WWOX: variants seen among roughly 807,000 people sequenced by gnomAD.
WWOX encodes WW domain-containing oxidoreductase.
In WWOX, 69 loss-of-function variants were observed where a neutral mutation model predicts 46.2. The observed-to-expected ratio is 1.49, with a 90% CI of 1.23 to 1.82. WWOX has a LOEUF of 1.82. Among genes scored for constraint, WWOX ranks in the 40% most tolerant of loss-of-function variants. The probability of loss-of-function intolerance (pLI) is 0.00; values close to 1 mark genes in which losing one functional copy is unlikely to be tolerated. For synonymous variants in WWOX, 359 were observed against 202.6 expected (o/e 1.77, Z -6.56); for missense variants, 919 against 542.6 (o/e 1.69, Z -6.89).
Position 78,939,260 on chromosome 16 carries a change from A to T in WWOX, c.1057-272348A>T, listed in dbSNP as rs537225433. The stretch of plus-strand genomic sequence containing the variant: ...ATTGGGTGTTGGGCTTTAAAGATGG[A>T]TGAAAGGCAGTACCTGGTCTAGAGA... On this transcript the variant is annotated intron_variant, in intron 8 of 8. Transcript: ENST00000566780. 2.0e-5 allele frequency among the ~76,000 whole-genome samples: 3 copies of T among 152,296 alleles called. No homozygotes were observed. In the East Asian group the frequency reaches 5.8e-4, roughly 29 times the overall value.
At chr16:78,638,029 G>A (rs992012933) in intron 8 of WWOX, among the ~76,000 whole-genome samples, 2 of 152,184 alleles carry the variant, frequency 1.3e-5, no homozygotes, top group Non-Finnish European at 2.9e-5. Context: ...TCCCTGGGAA[G>A]CTTGCTCACA....
intron 8 of WWOX, among the ~76,000 whole-genome samples, chr16:78,677,400 G>A (rs1444601474): frequency 6.6e-6 from 1 of 152,122 alleles, no homozygotes; most frequent in Non-Finnish European, 1.5e-5. Flanking sequence ...TCCTGTTTTT[G>A]AAAACTTGCA....
chr16:78,538,550 A>G (rs2043814735), intron 8 of WWOX, among the ~76,000 whole-genome samples: 1 of 152,150 alleles, frequency 6.6e-6, no homozygotes, highest in South Asian at 2.1e-4. Context: ...CCAGACGAGC[A>G]TGCTCTGAAC....
intron 8 of WWOX, among the ~76,000 whole-genome samples, chr16:78,972,623 C>G (rs911035128): frequency 7.2e-5 from 11 of 152,094 alleles, no homozygotes; most frequent in Admixed American, 1.3e-4. Context: ...AAAGTACATA[C>G]CGCTGCACAT....
At chr16:79,031,865 TAGA>T (rs1458141433) in intron 8 of WWOX, among the ~76,000 whole-genome samples, 1 of 141,880 alleles carries the variant, frequency 7.0e-6, no homozygotes, top group African/African-American at 2.5e-5. Context: ...TATATATAGA[TAGA>T]TATCTATATA....
At chr16:78,692,955 A>G (rs1597453370) in intron 8 of WWOX, among the ~76,000 whole-genome samples, 1 of 152,256 alleles carries the variant, frequency 6.6e-6, no homozygotes, top group South Asian at 2.1e-4. Context: ...GTTATTAAAC[A>G]CCCTTCTCTC....
At chr16:78,359,364 T>C (rs1235203566) in intron 5 of WWOX, among the ~76,000 whole-genome samples, 3 of 152,206 alleles carry the variant, frequency 2.0e-5, no homozygotes, top group Non-Finnish European at 4.4e-5. Context: ...TAATGTAGCA[T>C]ATACAAATTA....
chr16:78,296,534 A>T (rs2079946636), intron 5 of WWOX, among the ~76,000 whole-genome samples: 1 of 150,860 alleles, frequency 6.6e-6, no homozygotes, highest in Non-Finnish European at 1.5e-5. Flanking sequence ...TATTATTTTC[A>T]TTTTCTAAAA....
chr16:78,280,055 G>A (rs573196212), intron 5 of WWOX, among the ~76,000 whole-genome samples: 1 of 152,320 alleles, frequency 6.6e-6, no homozygotes, highest in South Asian at 2.1e-4. Flanking sequence ...CTGGAGTTTC[G>A]TCAGCTGAGT....
Position 78,342,687 on chromosome 16 carries a change from C to G in WWOX, c.517-44173C>G, listed in dbSNP as rs368587676. 1.7e-5 allele frequency among the ~76,000 whole-genome samples: 2 copies of G among 120,554 alleles called. 1 individual carries two copies. Among genetic ancestry groups the G allele is most frequent in the Non-Finnish European group, 4.0e-5 (2 of 50,512 alleles). 79.1% of individuals were successfully genotyped at this position (120,554 alleles called of 152,430 possible). A position where few individuals can be genotyped will look rare whatever the true frequency, so the allele number is the denominator to read the frequency against. ...CATCAGAATCTGATTCCCAGGCATG[C>G]TTTCCACCATATGCATAGACATTTG... On this transcript the variant is annotated intron_variant, in intron 5 of 8. Transcript: ENST00000566780.
chr16:78,615,439 C>T (rs1293571607), intron 8 of WWOX, among the ~76,000 whole-genome samples: 1 of 152,016 alleles, frequency 6.6e-6, no homozygotes, highest in Non-Finnish European at 1.5e-5. Flanking sequence ...TCCTGAAGCC[C>T]AGAATTCAAG....
chr16:78,644,930 T>G (rs185339442), intron 8 of WWOX, among the ~76,000 whole-genome samples: 11 of 152,296 alleles, frequency 7.2e-5, no homozygotes, highest in Admixed American at 7.2e-4. Flanking sequence ...AAATTGTATT[T>G]TTGTGGAATT....
chr16:78,522,406 C>G (rs946104853), intron 8 of WWOX, among the ~76,000 whole-genome samples: 1 of 152,208 alleles, frequency 6.6e-6, no homozygotes, highest in Non-Finnish European at 1.5e-5. Flanking sequence ...GTACACGGTT[C>G]TGGAAGCTCT....
At chr16:78,459,687 C>A (rs1162361697) in intron 8 of WWOX, among the ~76,000 whole-genome samples, 1 of 152,140 alleles carries the variant, frequency 6.6e-6, no homozygotes, top group African/African-American at 2.4e-5. Flanking sequence ...AAGTCGTCTT[C>A]TGGTTTAAAT....
intron 5 of WWOX, among the ~76,000 whole-genome samples, chr16:78,321,406 A>G (rs1239536177): frequency 8.1e-6 from 1 of 123,440 alleles, no homozygotes; most frequent in Non-Finnish European, 1.7e-5. Flanking sequence ...ATATATACGT[A>G]TATATATATG....
chr16:78,752,476 C>T (rs543376682), intron 8 of WWOX, among the ~76,000 whole-genome samples: 9 of 152,220 alleles, frequency 5.9e-5, no homozygotes, highest in East Asian at 1.9e-4. Flanking sequence ...TTAGTAGACA[C>T]GGGATTTCGC....
rs895159191 is a variant in WWOX at position 78,138,467 on chromosome 16, C to G, written c.409+23313C>G. On this transcript the variant is annotated intron_variant, in intron 4 of 8. Transcript: ENST00000566780. ...AAGGAGGACAGGAGTGAATCTGGCA[C>G]TTATCTTTCAGTGGGGCCTGAGTGC... Among the ~76,000 whole-genome samples the G allele has an allele frequency of 9.9e-5, 15 of 152,256 alleles. 1 individual carries two copies. Among genetic ancestry groups the G allele is most frequent in the African/African-American group, 3.4e-4 (14 of 41,538 alleles).
chr16:78,963,978 C>G (rs913991550), intron 8 of WWOX, among the ~76,000 whole-genome samples: 20 of 152,148 alleles, frequency 1.3e-4, no homozygotes, highest in African/African-American at 4.3e-4. Flanking sequence ...TTTTCTCTTG[C>G]CACCACCATG....
intron 5 of WWOX, among the ~76,000 whole-genome samples, chr16:78,179,249 T>C (rs1040891521): frequency 3.3e-5 from 5 of 152,208 alleles, no homozygotes; most frequent in Admixed American, 6.5e-5. Flanking sequence ...GTGAGCAAAT[T>C]TGTGCAAACC....
Sources: allele counts gnomAD v4.1 joint callset (sites outside exome capture counted in the v4.1 genomes callset), GRCh38; gene constraint gnomAD v4.1.1; transcripts MANE v1.5; gene names NCBI Gene and HGNC (gene_info 2026-07-23, HGNC 2026-07-21).